The following CEP72 variants were observed in gnomAD, a reference collection of about 807,000 sequenced individuals.
The protein encoded by CEP72 is centrosomal protein 72, also known as centrosomal protein of 72 kDa.
In CEP72, 78 loss-of-function variants were observed where a neutral mutation model predicts 65.7. The ratio of observed to expected loss-of-function variants is 1.19; its 90% CI spans 0.99 to 1.43. The LOEUF (loss-of-function observed/expected upper bound fraction) is 1.43. CEP72 is among the 40% of genes most tolerant of loss of function. The pLI, the probability that CEP72 is intolerant of heterozygous loss-of-function variation, is 0.00. For synonymous variants in CEP72, 358 were observed against 351.7 expected (o/e 1.02, Z -0.20); for missense variants, 914 against 832.9 (o/e 1.10, Z -1.20).
chr5:641,819 G>T (rs1697981), intron 9 of CEP72: 1 of 403,148 alleles, frequency 2.5e-6, no homozygotes, highest in African/African-American at 3.2e-5. Flanking sequence ...CGTGGTCCCC[G>T]GTCCAGAAGC....
At chr5:666,036 G>T (rs370610823) in exon 4 of CEP72, 2 of 1,609,030 alleles carry the variant, frequency 1.2e-6, no homozygotes, top group South Asian at 1.1e-5. Context: ...CGGCCTCCTC[G>T]CTGCTCTTGT....
At chr5:651,630 G>A (rs1381159051) in intron 11 of CEP72, among the ~76,000 whole-genome samples, 1 of 152,048 alleles carries the variant, frequency 6.6e-6, no homozygotes, top group Non-Finnish European at 1.5e-5. Flanking sequence ...CTTCAAGGCA[G>A]AATCTTAGTT....
At position 653,068 on chromosome 5, in the gene CEP72, TG is replaced by T. The variant is rs777533647; in HGVS notation, c.1860del (p.Met620IlefsTer70). The T allele has an allele frequency of 6.8e-6, 11 of 1,613,794 alleles. No homozygotes were observed. In the Admixed American group the frequency reaches 8.3e-5, roughly 12 times the overall value. ...CAGCACAGAGCCGAGGTGGAGCAGA[TG>T]CACTGGAGCTACCAGGAGCTCAAGA... ...RAQHRAEVEQ[M>X]HWSYQELKKT... On this transcript the variant is annotated frameshift_variant, in exon 12 of 12. Transcript: ENST00000264935. LOFTEE classifies it low-confidence loss of function (END_TRUNC).
Position 644,317 on chromosome 5 carries a change from T to G in CEP72, c.1558T>G (p.Leu520Val), listed in dbSNP as rs761740503. ...HKELDDLRQHLDKSLEENSRL... is the reference protein window; with the variant it reads ...HKELDDLRQHVDKSLEENSRL... ...TCCGCAGGATGATTTGAGACAACATTTAGATAAATCTTTGGAAGAGAACAG... is the reference window on the plus strand; with the variant it reads ...TCCGCAGGATGATTTGAGACAACATGTAGATAAATCTTTGGAAGAGAACAG... Residue 520 changes from leucine (L) to valine (V), a missense_variant, in exon 10 of 12, where the codon TTA becomes GTA. Transcript: ENST00000264935. 2 of 1,613,774 alleles carry G rather than the reference T, an allele frequency of 1.2e-6. No homozygotes were observed. The highest frequency in any genetic ancestry group is 1.7e-6 in the Non-Finnish European group (2 of 1,179,886).
intron 11 of CEP72, among the ~76,000 whole-genome samples, chr5:651,435 A>AC (rs557114185): frequency 4.6e-4 from 70 of 151,898 alleles, no homozygotes; most frequent in Non-Finnish European, 7.9e-4. Context: ...GTGCAGTGTG[A>AC]CCAGGGGAGA....
chr5:668,084 T>G (rs56828905), downstream of CEP72, among the ~76,000 whole-genome samples: 4 of 47,958 alleles, frequency 8.3e-5, 1 homozygote, highest in Non-Finnish European at 9.8e-5. Context: ...TGGAGAGGGG[T>G]CCGCGTGGGC....
Position 638,861 on chromosome 5 carries a change from G to A in CEP72, c.1207-228G>A, listed in dbSNP as rs1033425390. ...CTTGAGTTGGGAATGTGTGGGCCCC[G>A]TCCTGTCCTGTCATCGAGACCTCAC... On this transcript the variant is annotated intron_variant, in intron 7 of 11. Coordinates refer to ENST00000264935, the MANE Select transcript of CEP72 (RefSeq NM_018140.4). Among the ~76,000 whole-genome samples, 4 of 152,102 alleles carry A rather than the reference G, an allele frequency of 2.6e-5. No homozygotes were observed. The South Asian group carries it at 6.2e-4, about 24-fold the overall frequency.
At chr5:643,512 C>T (rs975122433) in intron 9 of CEP72, 3 of 985,268 alleles carry the variant, frequency 3.0e-6, no homozygotes, top group African/African-American at 1.7e-5. Flanking sequence ...GGCGGGTGGG[C>T]TCACTGAGCG....
chr5:618,359 G>A (rs886729785), intron 1 of CEP72, among the ~76,000 whole-genome samples: 1 of 152,176 alleles, frequency 6.6e-6, no homozygotes, highest in Non-Finnish European at 1.5e-5. Context: ...TCTGAGAAAA[G>A]CTGAAAATAC....
At chr5:660,223 A>G (rs1739529346), downstream of CEP72, 1 of 151,326 alleles carries the variant, frequency 6.6e-6, no homozygotes, top group Non-Finnish European at 1.5e-5. Flanking sequence ...ATATATATAT[A>G]TATATAAATT....
At chr5:669,138 G>C (rs1015113581), downstream of CEP72, among the ~76,000 whole-genome samples, 1 of 152,200 alleles carries the variant, frequency 6.6e-6, no homozygotes, top group Non-Finnish European at 1.5e-5. Flanking sequence ...CGGAGGCCTC[G>C]CTGTGTCCGG....
rs1211482204 is a variant in CEP72 at position 620,245 on chromosome 5, C to T, written c.387C>T (p.Pro129=). 1 of 1,613,430 alleles carries T rather than the reference C, an allele frequency of 6.2e-7. No individual in the cohort carries two copies. Among genetic ancestry groups the T allele is most frequent in the East Asian group, 2.2e-5 (1 of 44,862 alleles). The change falls in exon 3 of 12, where the codon CCC becomes CCT. Residue 129 remains proline, a synonymous_variant. Coordinates refer to ENST00000264935, the MANE Select transcript of CEP72 (RefSeq NM_018140.4). ...GCCTTTTTGTTGTGCACCTGCTCCC[C>T]AAGCTCCAGCAGCTGGGTAGGCATC... is the stretch of plus-strand genomic sequence containing the variant. ...DYRLFVVHLL[P]KLQQLDDRPV...
chr5:668,768 C>CAA (rs1219603848), downstream of CEP72, among the ~76,000 whole-genome samples: 1 of 152,240 alleles, frequency 6.6e-6, no homozygotes, highest in Non-Finnish European at 1.5e-5. Context: ...CACCAAACCC[C>CAA]AAACAATCCA....
downstream of CEP72, among the ~76,000 whole-genome samples, chr5:670,562 G>T (rs964052378): frequency 2.0e-5 from 3 of 152,264 alleles, no homozygotes; most frequent in South Asian, 2.1e-4. Flanking sequence ...GGCCCCACGG[G>T]GGGAGGGGGA....
At chr5:651,098 C>T (rs1383968927) in intron 11 of CEP72, among the ~76,000 whole-genome samples, 103 of 30,170 alleles carry the variant, frequency 3.4e-3, no homozygotes, top group East Asian at 7.4e-3. Context: ...GACTGTGAGG[C>T]GTGGACTGTG....
downstream of CEP72, among the ~76,000 whole-genome samples, chr5:654,657 C>T (rs114024312): frequency 5.2e-3 from 799 of 152,202 alleles, 10 homozygotes; most frequent in African/African-American, 0.018. Context: ...TTTGTCATCA[C>T]GTAATTTATG....
chr5:665,044 A>T (rs1739835752), intron 2 of CEP72: 3 of 1,554,416 alleles, frequency 1.9e-6, no homozygotes, highest in Non-Finnish European at 2.6e-6. Context: ...ATGAAGTGCG[A>T]GGTGACAGAG....
rs75161592 is a variant in CEP72 at position 618,606 on chromosome 5, G to A, written c.83-384G>A. Among the ~76,000 whole-genome samples the A allele has an allele frequency of 4.2e-3, 641 of 152,244 alleles. 5 individuals carry two copies. Among genetic ancestry groups the A allele is most frequent in the African/African-American group, 0.014 (595 of 41,532 alleles). On this transcript the variant is annotated intron_variant, in intron 1 of 11. Transcript: ENST00000264935. ...CTCAACTCCAAGTACAGCAGGGGCC[G>A]GGGGGAGTTTATAGCCTAGGGTCAG...
chr5:642,671 T>C (rs1738136214), intron 9 of CEP72: 1 of 985,216 alleles, frequency 1.0e-6, no homozygotes, highest in Non-Finnish European at 1.2e-6. Flanking sequence ...GCCCTGGGCC[T>C]CTGGACAGAG....
Sources: allele counts gnomAD v4.1 joint callset (sites outside exome capture counted in the v4.1 genomes callset), GRCh38; gene constraint gnomAD v4.1.1; transcripts MANE v1.5; gene names NCBI Gene and HGNC (gene_info 2026-07-23, HGNC 2026-07-21).